MAML3: variants seen among roughly 807,000 people sequenced by gnomAD.
The protein encoded by MAML3 is mastermind like transcriptional coactivator 3.
In MAML3, 27 loss-of-function variants were observed where a neutral mutation model predicts 101.9. The observed-to-expected ratio is 0.27, with a 90% confidence interval of 0.20 to 0.37. The LOEUF is 0.37. Among genes scored for constraint, MAML3 ranks in the 10% least tolerant of loss-of-function variants. The pLI is 1.00. For missense variants in MAML3, 1,316 were observed against 1,444.9 expected (o/e 0.91, Z 1.45); for synonymous variants, 501 against 555.9 (o/e 0.90, Z 1.39).
At chr4:140,137,583 A>G (rs1249872613) in intron 1 of MAML3, among the ~76,000 whole-genome samples, 1 of 152,256 alleles carries the variant, frequency 6.6e-6, no homozygotes, top group Admixed American at 6.5e-5. Context: ...GTTGAAGAAA[A>G]CAAGTGTGCA....
chr4:139,763,214 A>G (rs914629676), intron 2 of MAML3, among the ~76,000 whole-genome samples: 10 of 152,242 alleles, frequency 6.6e-5, no homozygotes, highest in Non-Finnish European at 1.2e-4. Flanking sequence ...CTCCTGCCAC[A>G]GGATTACACC....
intron 1 of MAML3, among the ~76,000 whole-genome samples, chr4:140,092,707 A>C (rs931326740): frequency 2.0e-5 from 3 of 152,178 alleles, no homozygotes; most frequent in African/African-American, 7.2e-5. Flanking sequence ...ACTGGCTTCC[A>C]GAGGCGGGTG....
chr4:139,887,536 C>T (rs1048448018), intron 2 of MAML3, among the ~76,000 whole-genome samples: 11 of 152,178 alleles, frequency 7.2e-5, no homozygotes, highest in Non-Finnish European at 7.3e-5. Flanking sequence ...ATAAGGACCT[C>T]AAAGAAGTAC....
intron 2 of MAML3, among the ~76,000 whole-genome samples, chr4:139,837,788 C>T (rs144647688): frequency 0.039 from 5,894 of 150,862 alleles, 154 homozygotes; most frequent in Non-Finnish European, 0.06. Flanking sequence ...GGCATGGTGG[C>T]GCATGCCTGT....
At chr4:140,077,480 T>C (rs979829045) in intron 1 of MAML3, among the ~76,000 whole-genome samples, 2 of 152,112 alleles carry the variant, frequency 1.3e-5, no homozygotes, top group African/African-American at 4.8e-5. Flanking sequence ...CAACATTGAA[T>C]TTTCGAGCCA....
intron 1 of MAML3, among the ~76,000 whole-genome samples, chr4:139,966,345 C>A (rs553689730): frequency 6.6e-6 from 1 of 152,226 alleles, no homozygotes; most frequent in African/African-American, 2.4e-5. Flanking sequence ...GGTTTTAACA[C>A]ATGCAGAACA....
chr4:139,902,513 G>A (rs1732746540), intron 1 of MAML3, among the ~76,000 whole-genome samples: 2 of 152,146 alleles, frequency 1.3e-5, no homozygotes, highest in Admixed American at 1.3e-4. Flanking sequence ...TTTCTCTCCG[G>A]GATGAATCCC....
At chr4:139,733,789 A>C (rs907323) in intron 2 of MAML3, among the ~76,000 whole-genome samples, 2 of 152,070 alleles carry the variant, frequency 1.3e-5, no homozygotes, top group Non-Finnish European at 2.9e-5. Flanking sequence ...GGCTCAAGCA[A>C]TCTTCCTGCC....
chr4:139,853,268 A>T (rs1217013337), intron 2 of MAML3, among the ~76,000 whole-genome samples: 1 of 152,222 alleles, frequency 6.6e-6, no homozygotes, highest in Non-Finnish European at 1.5e-5. Context: ...TTTCCTCAAG[A>T]TAATAGTATC....
intron 1 of MAML3, among the ~76,000 whole-genome samples, chr4:140,150,756 G>C (rs577894535): frequency 1.3e-4 from 20 of 152,332 alleles, no homozygotes; most frequent in Middle Eastern, 3.4e-3. Flanking sequence ...AGGGCGCTAG[G>C]GGGGCGGGGG....
chr4:139,834,799 T>C (rs35985411), intron 2 of MAML3, among the ~76,000 whole-genome samples: 4,088 of 152,220 alleles, frequency 0.027, 132 homozygotes, highest in African/African-American at 0.079. Flanking sequence ...ACCACGGAGA[T>C]GTCATAAAAT....
chr4:140,074,717 T>C (rs1048641592), intron 1 of MAML3, among the ~76,000 whole-genome samples: 3 of 152,190 alleles, frequency 2.0e-5, no homozygotes, highest in Non-Finnish European at 4.4e-5. Flanking sequence ...AAGAAAATGA[T>C]TGCTTATAGG....
rs971092774 is a variant in MAML3 at position 139,875,054 on chromosome 4, C to T, written c.2079+14303G>A. 6.6e-5 allele frequency among the ~76,000 whole-genome samples: 10 copies of T among 152,258 alleles called. No homozygotes were observed. In the East Asian group the frequency reaches 1.5e-3, roughly 24 times the overall value. On this transcript the variant is annotated intron_variant, in intron 2 of 4. Transcript: ENST00000509479. Reference sequence around the variant, plus strand: ...TCCTGACCTCGTGATCTGCCCACCTCGGCCTCCCAAAGTGCTGGGATTACA... The same window carrying T: ...TCCTGACCTCGTGATCTGCCCACCTTGGCCTCCCAAAGTGCTGGGATTACA...
At chr4:139,932,837 C>A (rs1423777936) in intron 1 of MAML3, among the ~76,000 whole-genome samples, 2 of 152,246 alleles carry the variant, frequency 1.3e-5, no homozygotes, top group South Asian at 4.1e-4. Flanking sequence ...AGGAAAACGA[C>A]CAAATTCCAC....
chr4:140,146,863 C>T (rs892172045), intron 1 of MAML3, among the ~76,000 whole-genome samples: 3 of 152,008 alleles, frequency 2.0e-5, no homozygotes, highest in East Asian at 3.9e-4. Flanking sequence ...TGGCCGGGTG[C>T]GGTGGCTCAC....
At chr4:140,142,855 A>T (rs1728997991) in intron 1 of MAML3, among the ~76,000 whole-genome samples, 1 of 152,194 alleles carries the variant, frequency 6.6e-6, no homozygotes, top group Non-Finnish European at 1.5e-5. Flanking sequence ...CTAAAAGCTC[A>T]GTGTCAAGCC....
At chr4:139,893,408 G>A (rs533858097) in intron 1 of MAML3, among the ~76,000 whole-genome samples, 1 of 152,238 alleles carries the variant, frequency 6.6e-6, no homozygotes, top group African/African-American at 2.4e-5. Flanking sequence ...CACTACCATA[G>A]CTTTTTCACA....
chr4:140,056,800 G>C (rs1244583112), intron 1 of MAML3, among the ~76,000 whole-genome samples: 41 of 142,712 alleles, frequency 2.9e-4, no homozygotes, highest in African/African-American at 1.0e-3. Context: ...GACAGAGCAA[G>C]ACTCTGTCTC....
intron 2 of MAML3, among the ~76,000 whole-genome samples, chr4:139,842,762 CTTTTTTT>C (rs71584337): frequency 3.6e-4 from 11 of 30,948 alleles, no homozygotes; most frequent in African/African-American, 1.2e-3. Context: ...ATCCGCTTGC[CTTTTTTT>C]TTTTTTTTTT....
Sources: gnomAD v4.1 joint callset for allele counts (sites outside exome capture counted in the v4.1 genomes callset) on GRCh38, gnomAD v4.1.1 for gene constraint, MANE v1.5 for transcripts, NCBI Gene and HGNC (gene_info 2026-07-23, HGNC 2026-07-21) for gene names.